Variants in ATL2 observed in about 807,000 individuals in gnomAD.
The protein encoded by ATL2 is atlastin GTPase 2.
A neutral mutation model predicts 73.9 loss-of-function variants in ATL2; 31 were observed. That is an observed-to-expected ratio of 0.42 (90% CI 0.32 to 0.57). The LOEUF is 0.57. Ranked by LOEUF, ATL2 falls within the 20% of genes least tolerant of loss-of-function variation. The pLI, the probability that ATL2 is intolerant of heterozygous loss-of-function variation, is 0.14. For missense variants in ATL2, 738 were observed against 702.6 expected, an observed-to-expected ratio of 1.05 and a Z score of -0.57; for synonymous variants, 291 against 237.5, an observed-to-expected ratio of 1.23 and a Z score of -2.07.
At chr2:38,299,600 T>C (rs1667080887) in intron 10 of ATL2, among the ~76,000 whole-genome samples, 1 of 152,154 alleles carries the variant, frequency 6.6e-6, no homozygotes, top group Non-Finnish European at 1.5e-5. Flanking sequence ...TGGATAAAGA[T>C]AAATAGATAT....
intron 1 of ATL2, among the ~76,000 whole-genome samples, chr2:38,355,624 G>C (rs1670612931): frequency 6.7e-6 from 1 of 150,336 alleles, no homozygotes; most frequent in South Asian, 2.1e-4. Flanking sequence ...TGCCAAGTAA[G>C]AAACTCAAAA....
At position 38,317,539 on chromosome 2, in the gene ATL2, A is replaced by C. The variant is rs60806011; in HGVS notation, c.603+996T>G. On this transcript the variant is annotated intron_variant, in intron 4 of 12. Transcript: ENST00000378954. The stretch of plus-strand genomic sequence containing the variant: ...TCCCTTCCTAAATGAAGGTGCTAAA[A>C]ATCCTCAGTTTATTATTACATAAGC... 6.8e-3 allele frequency among the ~76,000 whole-genome samples: 1,043 copies of C among 152,274 alleles called. 12 individuals are homozygous for C. Among genetic ancestry groups the C allele is most frequent in the East Asian group, 0.057 (295 of 5,190 alleles).
intron 7 of ATL2, 23 bp from the exon 8 acceptor site, chr2:38,310,470 G>C: frequency 1.3e-6 from 2 of 1,575,300 alleles, no homozygotes; most frequent in Non-Finnish European, 1.7e-6. Context: ...AGAGACAGGT[G>C]AAATTGTAAA....
At chr2:38,325,665 CA>C (rs1558411821) in intron 2 of ATL2, among the ~76,000 whole-genome samples, 3 of 33,404 alleles carry the variant, frequency 9.0e-5, no homozygotes, top group East Asian at 2.1e-3. Context: ...CACCAGTACA[CA>C]CACACACACA....
At chr2:38,334,880 A>ATATATAATATATATTATT (rs1669228494) in intron 2 of ATL2, among the ~76,000 whole-genome samples, 1 of 26,462 alleles carries the variant, frequency 3.8e-5, no homozygotes, top group South Asian at 1.0e-3. Context: ...AATATATATT[A>ATATATAATATATATTATT]TATAATATAT....
In ATL2 at chr2:38,295,967, G is replaced by T. The variant is rs772583727; in HGVS notation, c.*27C>A. 3 of 1,486,902 alleles carry T rather than the reference G, an allele frequency of 2.0e-6. No individual in the cohort carries two copies. The South Asian group carries it at 3.8e-5, about 19-fold the overall frequency. 92.1% of individuals were successfully genotyped at this position (1,486,902 alleles called of 1,614,324 possible). A position where few individuals can be genotyped will look rare whatever the true frequency, so the allele number is the denominator to read the frequency against. Reference sequence around the variant, plus strand: ...GTACAGCAAGCATGAAAAAAAAAGAGAGTGGAGTCCGTGAGGAGATGAACT... The same window carrying T: ...GTACAGCAAGCATGAAAAAAAAAGATAGTGGAGTCCGTGAGGAGATGAACT... On this transcript the variant is annotated 3_prime_UTR_variant, in exon 13 of 13. Transcript: ENST00000378954.
chr2:38,319,290 C>T (rs1280094612), intron 2 of ATL2, among the ~76,000 whole-genome samples: 1 of 152,170 alleles, frequency 6.6e-6, no homozygotes, highest in Non-Finnish European at 1.5e-5. Context: ...GTTATACTCA[C>T]TTTCCCCCTT....
chr2:38,319,331 G>A (rs1396123003), intron 2 of ATL2, among the ~76,000 whole-genome samples: 1 of 152,214 alleles, frequency 6.6e-6, no homozygotes, highest in Non-Finnish European at 1.5e-5. Context: ...GGGCATGACA[G>A]CTCATGCCTG....
At chr2:38,336,869 T>C (rs1406166176) in intron 2 of ATL2, among the ~76,000 whole-genome samples, 1 of 152,190 alleles carries the variant, frequency 6.6e-6, no homozygotes, top group Non-Finnish European at 1.5e-5. Context: ...CACAAAATAG[T>C]ATGTGCTTCC....
intron 11 of ATL2, 92 bp downstream of exon 11, chr2:38,299,164 C>T (rs56836640): frequency 3.3e-6 from 4 of 1,199,406 alleles, no homozygotes; most frequent in Middle Eastern, 3.0e-4. Context: ...TGCACAAATT[C>T]GCTCAATTAT....
chr2:38,348,975 A>G (rs1351807769), intron 1 of ATL2, among the ~76,000 whole-genome samples: 1 of 152,098 alleles, frequency 6.6e-6, no homozygotes, highest in Non-Finnish European at 1.5e-5. Context: ...ACAATGAGAT[A>G]CCATCTCACA....
At chr2:38,348,306 A>C (rs1670141066) in intron 1 of ATL2, among the ~76,000 whole-genome samples, 1 of 151,928 alleles carries the variant, frequency 6.6e-6, no homozygotes, top group Admixed American at 6.6e-5. Context: ...ATCTCTACTA[A>C]AAATACAAAA....
intron 2 of ATL2, among the ~76,000 whole-genome samples, chr2:38,337,091 A>G (rs546208527): frequency 1.3e-5 from 2 of 152,240 alleles, no homozygotes; most frequent in South Asian, 4.1e-4. Flanking sequence ...AATTGCCAAG[A>G]AAAAGAGAGG....
rs1312477515 is a variant in ATL2, at chr2:38,295,755, T to C, written c.*239A>G. 1.5e-5 allele frequency: 5 copies of C among 330,844 alleles called. No individual in the cohort carries two copies. Among genetic ancestry groups the C allele is most frequent in the African/African-American group, 8.5e-5 (4 of 46,804 alleles). The allele number at this position is 330,844 out of a possible 1,614,324, so 20.5% of individuals were successfully genotyped here. On this transcript the variant is annotated 3_prime_UTR_variant, in exon 13 of 13. Coordinates refer to ENST00000378954, the MANE Select transcript of ATL2 (RefSeq NM_001135673.4). ...TAAAAAGAAATAAAAGAGTTAAACA[T>C]GGCACAAAGGTGCATGATTAACCAA... is the stretch of plus-strand genomic sequence containing the variant.
intron 1 of ATL2, among the ~76,000 whole-genome samples, chr2:38,375,136 A>C (rs1457126011): frequency 2.6e-5 from 4 of 152,166 alleles, no homozygotes; most frequent in Admixed American, 2.6e-4. Flanking sequence ...TCTCCCTAAC[A>C]CTAAACTACT....
chr2:38,362,765 G>A (rs969301712), intron 1 of ATL2, among the ~76,000 whole-genome samples: 1 of 152,152 alleles, frequency 6.6e-6, no homozygotes. Context: ...TAAAGACAGA[G>A]CAATAGAAAA....
intron 2 of ATL2, among the ~76,000 whole-genome samples, chr2:38,321,849 A>T (rs1376793996): frequency 1.3e-5 from 2 of 152,100 alleles, no homozygotes; most frequent in African/African-American, 2.4e-5. Context: ...AGTAGCTGGG[A>T]CTGCAGGTGC....
At position 38,295,941 on chromosome 2, in the gene ATL2, T is replaced by G; in HGVS notation, c.*53A>C. On this transcript the variant is annotated 3_prime_UTR_variant, in exon 13 of 13. Transcript: ENST00000378954. ...GGTTTATTTTTATTTGAGTTCTCAT[T>G]GTACAGCAAGCATGAAAAAAAAAGA... 1 of 1,407,898 alleles carries G rather than the reference T, an allele frequency of 7.1e-7. No individual in the cohort carries two copies. The highest frequency in any genetic ancestry group is 9.7e-7 in the Non-Finnish European group (1 of 1,031,880). 87.2% of individuals were successfully genotyped at this position (1,407,898 alleles called of 1,614,324 possible). A position where few individuals can be genotyped will look rare whatever the true frequency, so the allele number is the denominator to read the frequency against.
chr2:38,300,257 T>C lies in ATL2; in HGVS notation c.1128+15A>G. Reference sequence around the variant, plus strand: ...TAAGTATATGTACAACACATATCACTCTCTCTCTCTCTACCTGAAGCATGG... The same window carrying C: ...TAAGTATATGTACAACACATATCACCCTCTCTCTCTCTACCTGAAGCATGG... On this transcript the variant is annotated intron_variant, in intron 10 of 12. Coordinates refer to ENST00000378954, the MANE Select transcript of ATL2 (RefSeq NM_001135673.4). The C allele has an allele frequency of 1.2e-6, 1 of 864,706 alleles. No homozygotes were observed. Among genetic ancestry groups the C allele is most frequent in the Non-Finnish European group, 1.6e-6 (1 of 632,466 alleles). 53.6% of individuals were successfully genotyped at this position (864,706 alleles called of 1,614,324 possible).
Sources: allele counts gnomAD v4.1 joint callset (sites outside exome capture counted in the v4.1 genomes callset), GRCh38; gene constraint gnomAD v4.1.1; transcripts MANE v1.5; gene names NCBI Gene and HGNC (gene_info 2026-07-23, HGNC 2026-07-21).